Variants in ARHGEF33 observed in about 807,000 individuals in gnomAD.
ARHGEF33 encodes the protein DH and coiled-coil domain-containing protein ENSP00000381780.
In ARHGEF33, 72 loss-of-function variants were observed where a neutral mutation model predicts 101.9. That is an observed-to-expected ratio of 0.71 (90% CI 0.58 to 0.86). ARHGEF33 has a LOEUF of 0.86. Among genes scored for constraint, ARHGEF33 ranks in the 40% least tolerant of loss-of-function variants. ARHGEF33 has a pLI of 0.00. For missense variants in ARHGEF33, 1,169 were observed against 1,111.3 expected (o/e 1.05, Z -0.74); for synonymous variants, 499 against 442.5 (o/e 1.13, Z -1.60).
chr2:38,968,900 G>C (rs77022142), intron 17 of ARHGEF33, among the ~76,000 whole-genome samples: 135 of 152,292 alleles, frequency 8.9e-4, no homozygotes, highest in African/African-American at 2.7e-3. Context: ...CGTTTTCTGA[G>C]TGTTTTCATA....
intron 16 of ARHGEF33, 33 bp from the exon 17 acceptor site, chr2:38,965,973 G>A: frequency 6.5e-7 from 1 of 1,549,504 alleles, no homozygotes; most frequent in Admixed American, 2.0e-5. Flanking sequence ...ATTGGAAGGA[G>A]TAAAGAAAAA....
Position 38,960,131 on chromosome 2 carries a change from T to C in ARHGEF33, c.1826T>C (p.Val609Ala). 1 of 1,542,546 alleles carries C rather than the reference T, an allele frequency of 6.5e-7. No homozygotes were observed. The highest frequency in any genetic ancestry group is 8.7e-7 in the Non-Finnish European group (1 of 1,145,494). ...AELLPDARGF[V>A]PAAYEEFEYG... ...CTCCTGCCCGATGCCCGCGGCTTCG[T>C]GCCCGCGGCCTACGAAGAGTTCGAG... The change falls in exon 16 of 18, where the codon GTG (valine) becomes GCG (alanine). Residue 609 changes from valine (V) to alanine (A), a missense_variant. By Grantham distance (64) the Val-to-Ala change is moderately conservative (BLOSUM62 0). Transcript: ENST00000409978.
intron 9 of ARHGEF33, among the ~76,000 whole-genome samples, chr2:38,943,032 A>G (rs1667352618): frequency 6.6e-6 from 1 of 152,116 alleles, no homozygotes; most frequent in Non-Finnish European, 1.5e-5. Flanking sequence ...GGTTCAAGCA[A>G]TCCTCCTGCC....
At chr2:38,948,757 G>A (rs2124409212) in intron 10 of ARHGEF33, among the ~76,000 whole-genome samples, 1 of 152,250 alleles carries the variant, frequency 6.6e-6, no homozygotes, top group South Asian at 2.1e-4. Context: ...TACAACCACT[G>A]GGTAGGAAGA....
chr2:38,920,658 T>C (rs1271041290), intron 3 of ARHGEF33, among the ~76,000 whole-genome samples: 4 of 152,166 alleles, frequency 2.6e-5, no homozygotes, highest in Non-Finnish European at 4.4e-5. Context: ...TCCTCCCGCC[T>C]TGGCCTCCCA....
intron 15 of ARHGEF33, 23 bp downstream of exon 15, chr2:38,958,221 A>G (rs1344641843): frequency 4.5e-6 from 7 of 1,550,822 alleles, no homozygotes; most frequent in Middle Eastern, 3.6e-4. Flanking sequence ...TGCTGTGGGA[A>G]GGTTAATGCC....
chr2:38,924,365 T>A (rs930831183), intron 4 of ARHGEF33, among the ~76,000 whole-genome samples: 26 of 152,178 alleles, frequency 1.7e-4, no homozygotes, highest in African/African-American at 5.5e-4. Flanking sequence ...TCAAAGTCGT[T>A]GAATCAGAGC....
intron 2 of ARHGEF33, among the ~76,000 whole-genome samples, chr2:38,912,050 A>G (rs1261866560): frequency 6.6e-6 from 1 of 152,204 alleles, no homozygotes; most frequent in Admixed American, 6.5e-5. Flanking sequence ...TTCAAAAAAT[A>G]TAAACTGAAA....
At position 38,931,177 on chromosome 2, in the gene ARHGEF33, C is replaced by G. The variant is rs1666993284; in HGVS notation, c.431C>G (p.Ser144Cys). 1 of 1,551,572 alleles carries G rather than the reference C, an allele frequency of 6.4e-7. No homozygotes were observed. Among genetic ancestry groups the G allele is most frequent in the East Asian group, 2.4e-5 (1 of 40,916 alleles). The part of the protein sequence containing the change: ...PAQAQGSPFR[S>C]INIPEPVLPS... ...CAAGCACAAGGAAGTCCTTTTCGTT[C>G]TATCAATATCCCTGAGCCTGTTCTT... is the stretch of plus-strand genomic sequence containing the variant. The change falls in exon 7 of 18, where the codon TCT (serine) becomes TGT (cysteine). Residue 144 changes from serine to cysteine, a missense_variant. Ser to Cys is a moderately radical substitution (Grantham distance 112). Coordinates refer to ENST00000409978, the MANE Select transcript of ARHGEF33 (RefSeq NM_001145451.5).
chr2:38,950,356 T>C (rs1264347667), intron 10 of ARHGEF33, among the ~76,000 whole-genome samples: 3 of 152,166 alleles, frequency 2.0e-5, no homozygotes, highest in Admixed American at 6.5e-5. Flanking sequence ...CTCTAAAACA[T>C]TGAAAAAGGT....
chr2:38,920,171 A>G (rs1156516521), intron 3 of ARHGEF33, among the ~76,000 whole-genome samples: 1 of 152,180 alleles, frequency 6.6e-6, no homozygotes, highest in Non-Finnish European at 1.5e-5. Context: ...AACAATATAC[A>G]CATCCACACA....
At position 38,952,918 on chromosome 2, in the gene ARHGEF33, C is replaced by T. The variant is rs113724489; in HGVS notation, c.1054-244C>T. ...TTCACCGTGTTGCCCAGGCTGGTCT[C>T]GATCTCCTGAGCTCAGGCAATCCAC... On this transcript the variant is annotated intron_variant, in intron 11 of 17. Transcript: ENST00000409978. 4.1e-3 allele frequency among the ~76,000 whole-genome samples: 629 copies of T among 152,228 alleles called. 5 individuals are homozygous for T. The highest frequency in any genetic ancestry group is 0.014 in the African/African-American group (597 of 41,540).
intron 2 of ARHGEF33, among the ~76,000 whole-genome samples, chr2:38,898,004 C>T (rs560941873): frequency 1.2e-4 from 19 of 152,204 alleles, no homozygotes; most frequent in South Asian, 1.0e-3. Context: ...GGGGTTGGTC[C>T]GTTGGGTTAG....
At chr2:38,925,944 G>C (rs1666859155) in intron 4 of ARHGEF33, among the ~76,000 whole-genome samples, 1 of 151,900 alleles carries the variant, frequency 6.6e-6, no homozygotes, top group Non-Finnish European at 1.5e-5. Context: ...TGAGGCCTGA[G>C]GGATCTTTCA....
chr2:38,973,213 G>C (rs1668205136), intron 17 of ARHGEF33: 1 of 151,916 alleles, frequency 6.6e-6, no homozygotes, highest in South Asian at 2.1e-4. Flanking sequence ...ACGAATTTCT[G>C]CATTCTACCA....
Position 38,974,872 on chromosome 2 carries a change from C to G in ARHGEF33, c.*1029C>G, listed in dbSNP as rs1012845006. 1 of 152,048 alleles carries G rather than the reference C, an allele frequency of 6.6e-6. No homozygotes were observed. 9.4% of individuals were successfully genotyped at this position (152,048 alleles called of 1,614,324 possible). On this transcript the variant is annotated 3_prime_UTR_variant, in exon 18 of 18. Transcript: ENST00000409978. Reference sequence around the variant, plus strand: ...CCAAGCTCTTAAAGCTTAGAGGAATCAGATTGCAACGAGGCCTGCCTGGCT... The same window carrying G: ...CCAAGCTCTTAAAGCTTAGAGGAATGAGATTGCAACGAGGCCTGCCTGGCT...
chr2:38,919,809 C>A (rs1169740332), intron 3 of ARHGEF33, among the ~76,000 whole-genome samples: 1 of 152,142 alleles, frequency 6.6e-6, no homozygotes, highest in Non-Finnish European at 1.5e-5. Flanking sequence ...TAATCTTTAC[C>A]ATATAAAAAC....
At chr2:38,906,670 A>G (rs1383677884) in intron 2 of ARHGEF33, among the ~76,000 whole-genome samples, 2 of 152,096 alleles carry the variant, frequency 1.3e-5, no homozygotes, top group African/African-American at 4.8e-5. Context: ...ATAATCGGTT[A>G]TAAGATGAGA....
chr2:38,896,064 T>C (rs1050177016), intron 2 of ARHGEF33, among the ~76,000 whole-genome samples: 23 of 152,362 alleles, frequency 1.5e-4, no homozygotes, highest in African/African-American at 5.3e-4. Flanking sequence ...AAACCAGCTA[T>C]GTTACATCAG....
Sources: allele counts gnomAD v4.1 joint callset (sites outside exome capture counted in the v4.1 genomes callset), GRCh38; gene constraint gnomAD v4.1.1; transcripts MANE v1.5; gene names NCBI Gene and HGNC (gene_info 2026-07-23, HGNC 2026-07-21).